Variants in KAZN observed in about 807,000 individuals in gnomAD.
KAZN encodes kazrin, periplakin interacting protein, also known as kazrin.
KAZN carries 40 observed loss-of-function variants against 87.4 expected under a neutral mutation model. The observed-to-expected ratio is 0.46, with a 90% CI of 0.36 to 0.60. The LOEUF (loss-of-function observed/expected upper bound fraction) is 0.60. Among genes scored for constraint, KAZN ranks in the 20% least tolerant of loss-of-function variants. KAZN has a pLI of 0.00. For missense variants in KAZN, 898 were observed against 1,073.9 expected, an observed-to-expected ratio of 0.84 and a Z score of 2.29; for synonymous variants, 466 against 458.3, an observed-to-expected ratio of 1.02 and a Z score of -0.22.
chr1:14,145,325 G>A (rs1325132448), intron 1 of KAZN, among the ~76,000 whole-genome samples: 4 of 151,976 alleles, frequency 2.6e-5, no homozygotes, highest in Non-Finnish European at 5.9e-5. Flanking sequence ...TGTTCCTGTA[G>A]TCCCAGCTCT....
chr1:14,448,254 A>G (rs1667091523), intron 2 of KAZN, among the ~76,000 whole-genome samples: 2 of 152,240 alleles, frequency 1.3e-5, no homozygotes, highest in Admixed American at 1.3e-4. Context: ...GGTAACTGGC[A>G]GAGCAGGGAC....
At chr1:14,451,516 G>T (rs1041111947) in intron 2 of KAZN, among the ~76,000 whole-genome samples, 1 of 151,920 alleles carries the variant, frequency 6.6e-6, no homozygotes, top group Admixed American at 6.6e-5. Context: ...ATCAGTCTGG[G>T]TTCTCCAGAG....
intron 1 of KAZN, among the ~76,000 whole-genome samples, chr1:14,643,570 G>A (rs569821132): frequency 3.3e-5 from 5 of 152,196 alleles, no homozygotes; most frequent in Non-Finnish European, 7.3e-5. Flanking sequence ...GTCTGTCAAT[G>A]ATGGGCATTT....
chr1:14,208,712 T>A lies in KAZN; in HGVS notation c.249+28120T>A, dbSNP rs528469054. Among the ~76,000 whole-genome samples the A allele has an allele frequency of 1.5e-4, 23 of 152,362 alleles. 1 individual carries two copies. The highest frequency in any genetic ancestry group is 5.2e-4 in the Admixed American group (8 of 15,310). On this transcript the variant is annotated intron_variant, in intron 2 of 16. Coordinates refer to the KAZN transcript ENST00000636203. The stretch of plus-strand genomic sequence containing the variant: ...TAATGCTGCAGCATGGATATAATTT[T>A]CTGCATTTAACTGATGGTAAAATAA...
chr1:14,672,992 G>A (rs1196859916), intron 1 of KAZN, among the ~76,000 whole-genome samples: 3 of 152,210 alleles, frequency 2.0e-5, no homozygotes, highest in South Asian at 2.1e-4. Context: ...GGCCGAGAAC[G>A]TTTCTGGCTT....
At chr1:14,324,574 A>G (rs756791549) in intron 2 of KAZN, among the ~76,000 whole-genome samples, 2 of 152,050 alleles carry the variant, frequency 1.3e-5, no homozygotes, top group Non-Finnish European at 2.9e-5. Context: ...GTCACTTCCA[A>G]TCACATTTCT....
chr1:14,042,821 T>G lies in KAZN; in HGVS notation c.92-137614T>G, dbSNP rs575648674. 2.1e-4 allele frequency among the ~76,000 whole-genome samples: 32 copies of G among 152,352 alleles called. 2 individuals are homozygous for G. Among genetic ancestry groups the G allele is most frequent in the African/African-American group, 7.5e-4 (31 of 41,578 alleles). On this transcript the variant is annotated intron_variant, in intron 1 of 16. Transcript: ENST00000636203. ...TCTTTCCAAAACTTTTGCATGTTAC[T>G]GAATACTAGCAGTGAATGAAATCAG...
At chr1:14,122,509 A>G (rs1644773589) in intron 1 of KAZN, among the ~76,000 whole-genome samples, 1 of 152,206 alleles carries the variant, frequency 6.6e-6, no homozygotes, top group South Asian at 2.1e-4. Flanking sequence ...CCCATGTGGT[A>G]ACTAGGGAAA....
intron 2 of KAZN, among the ~76,000 whole-genome samples, chr1:14,574,569 C>A (rs1047266452): frequency 2.0e-5 from 3 of 152,264 alleles, no homozygotes; most frequent in Admixed American, 2.0e-4. Flanking sequence ...CATCTTCTGC[C>A]GTGATTGTGA....
chr1:13,899,986 A>G (rs1370103411), intron 1 of KAZN, among the ~76,000 whole-genome samples: 1 of 152,112 alleles, frequency 6.6e-6, no homozygotes, highest in Non-Finnish European at 1.5e-5. Flanking sequence ...TTCATCAGTA[A>G]GATATTGACG....
intron 2 of KAZN, among the ~76,000 whole-genome samples, chr1:14,200,430 A>AT (rs1332079032): frequency 6.6e-6 from 1 of 152,212 alleles, no homozygotes; most frequent in Non-Finnish European, 1.5e-5. Context: ...ACACTTCCCC[A>AT]TATGGAAAAA....
chr1:14,154,130 A>G (rs1248823533), intron 1 of KAZN, among the ~76,000 whole-genome samples: 1 of 152,210 alleles, frequency 6.6e-6, no homozygotes, highest in Non-Finnish European at 1.5e-5. Context: ...CTTCCAATCC[A>G]TGAACATGAA....
intron 2 of KAZN, among the ~76,000 whole-genome samples, chr1:14,245,082 T>TC (rs1649369105): frequency 6.6e-6 from 1 of 152,038 alleles, no homozygotes; most frequent in African/African-American, 2.4e-5. Flanking sequence ...TGCCTCAGCC[T>TC]CCCGAGTAGC....
At chr1:14,256,946 G>A (rs917192573) in intron 2 of KAZN, among the ~76,000 whole-genome samples, 1 of 152,076 alleles carries the variant, frequency 6.6e-6, no homozygotes, top group African/African-American at 2.4e-5. Context: ...GCCCCAAATG[G>A]CACACTCAGT....
At chr1:14,757,827 T>C (rs1644611241) in intron 1 of KAZN, among the ~76,000 whole-genome samples, 1 of 152,200 alleles carries the variant, frequency 6.6e-6, no homozygotes. Flanking sequence ...ATTTTCCTGA[T>C]TGTCCAGTCT....
intron 6 of KAZN, chr1:15,061,052 G>C (rs1282006146): frequency 6.6e-6 from 1 of 152,214 alleles, no homozygotes; most frequent in African/African-American, 2.4e-5. Context: ...CATAGGGTTA[G>C]ATCCTCAAAT....
At chr1:15,002,848 C>T (rs568443954) in intron 2 of KAZN, among the ~76,000 whole-genome samples, 1 of 151,820 alleles carries the variant, frequency 6.6e-6, no homozygotes, top group Non-Finnish European at 1.5e-5. Context: ...TGGTGGTGGG[C>T]GCCTGTAATC....
At chr1:14,657,589 T>G (rs1330812980) in intron 1 of KAZN, among the ~76,000 whole-genome samples, 1 of 152,202 alleles carries the variant, frequency 6.6e-6, no homozygotes. Context: ...ACCTGAAGTT[T>G]AGGAGGCATC....
intron 1 of KAZN, among the ~76,000 whole-genome samples, chr1:14,914,504 C>T (rs1657590370): frequency 6.6e-6 from 1 of 152,178 alleles, no homozygotes; most frequent in African/African-American, 2.4e-5. Flanking sequence ...TCCTTGTAGC[C>T]ACTGAGGGAG....
Sources: allele counts gnomAD v4.1 joint callset (sites outside exome capture counted in the v4.1 genomes callset), GRCh38; gene constraint gnomAD v4.1.1; transcripts MANE v1.5; gene names NCBI Gene and HGNC (gene_info 2026-07-23, HGNC 2026-07-21).